TRIP4: variants seen among roughly 807,000 people sequenced by gnomAD.
TRIP4 encodes the protein thyroid hormone receptor interactor 4, also known as activating signal cointegrator 1.
TRIP4 carries 54 observed loss-of-function variants against 81.8 expected under a neutral mutation model. That is an observed-to-expected ratio of 0.66 (90% confidence interval 0.53 to 0.83). The LOEUF (loss-of-function observed/expected upper bound fraction) is 0.83. Ranked by LOEUF, TRIP4 falls within the 40% of genes least tolerant of loss-of-function variation. The pLI, the probability that TRIP4 is intolerant of heterozygous loss-of-function variation, is 0.00. For missense variants in TRIP4, 662 were observed against 683.6 expected (o/e 0.97, Z 0.35); for synonymous variants, 270 against 242.8 (o/e 1.11, Z -1.04).
At chr15:64,390,587 G>GT (rs1217418415) in intron 1 of TRIP4, among the ~76,000 whole-genome samples, 1 of 151,996 alleles carries the variant, frequency 6.6e-6, no homozygotes, top group Non-Finnish European at 1.5e-5. Context: ...GGATTACACA[G>GT]TATCAAGAAA....
chr15:64,400,490 C>G (rs1466432288), intron 4 of TRIP4, among the ~76,000 whole-genome samples: 3 of 93,520 alleles, frequency 3.2e-5, no homozygotes, highest in African/African-American at 1.1e-4. Flanking sequence ...TTTTTTTTTT[C>G]TAAACCATTA....
chr15:64,431,877 CTTTTTTTTTTTTT>C (rs1199638489), intron 11 of TRIP4, among the ~76,000 whole-genome samples: 1 of 52,508 alleles, frequency 1.9e-5, no homozygotes, highest in Non-Finnish European at 3.3e-5. Flanking sequence ...ATTGTGTTTT[CTTTTTTTTTTTTT>C]TTTTTTTTTT....
intron 11 of TRIP4, among the ~76,000 whole-genome samples, chr15:64,437,171 A>C (rs1892420558): frequency 6.6e-6 from 1 of 151,888 alleles, no homozygotes; most frequent in Non-Finnish European, 1.5e-5. Context: ...CTGTAATCCC[A>C]GCACTTTGGG....
intron 11 of TRIP4, among the ~76,000 whole-genome samples, chr15:64,430,843 G>A (rs1399269805): frequency 6.6e-6 from 1 of 152,170 alleles, no homozygotes; most frequent in East Asian, 1.9e-4. Context: ...TTATACTGCT[G>A]GGTGCCTGTT....
At chr15:64,425,730 C>A in intron 11 of TRIP4, 99 bp downstream of exon 11, 1 of 890,332 alleles carries the variant, frequency 1.1e-6, no homozygotes, top group Non-Finnish European at 1.7e-6. Flanking sequence ...CTTAAAAGTG[C>A]TGGGATTATA....
At chr15:64,419,664 TTTCTTAATTCAG>T (rs1049186224) in intron 9 of TRIP4, among the ~76,000 whole-genome samples, 4 of 152,062 alleles carry the variant, frequency 2.6e-5, no homozygotes, top group South Asian at 2.1e-4. Context: ...GGTGTGTTTG[TTTCTTAATTCAG>T]TTTTTAAAAA....
At chr15:64,395,575 A>G in intron 3 of TRIP4, 44 bp downstream of exon 3, 1 of 1,577,822 alleles carries the variant, frequency 6.3e-7, no homozygotes. Flanking sequence ...ATTGGAGAAG[A>G]GGAAGTGACT....
rs150525284 is a variant in TRIP4, at chr15:64,418,379, T to C, written c.1171-162T>C. On this transcript the variant is annotated intron_variant, in intron 8 of 12. Coordinates refer to ENST00000261884, the MANE Select transcript of TRIP4 (RefSeq NM_016213.5). ...CACCCGCCTTGGCCTCTCAAAGTGC[T>C]GGGATTACAGGCGTGAGCCACGATG... is the stretch of plus-strand genomic sequence containing the variant. Among the ~76,000 whole-genome samples, 1,628 of 152,368 alleles carry C rather than the reference T, an allele frequency of 0.011. 17 individuals carry two copies. Among genetic ancestry groups the C allele is most frequent in the Non-Finnish European group, 0.018 (1,206 of 68,034 alleles).
intron 11 of TRIP4, among the ~76,000 whole-genome samples, chr15:64,435,848 A>C (rs560398947): frequency 6.8e-6 from 1 of 147,578 alleles, no homozygotes; most frequent in Non-Finnish European, 1.5e-5. Flanking sequence ...AAAAAAGACA[A>C]GTCCTGCAGA....
chr15:64,434,394 C>T (rs1227521251), intron 11 of TRIP4, among the ~76,000 whole-genome samples: 2 of 114,406 alleles, frequency 1.7e-5, no homozygotes, highest in Non-Finnish European at 3.6e-5. Flanking sequence ...AGTGAAACTC[C>T]GTCTCAAGAA....
At chr15:64,433,494 C>T (rs1026110690) in intron 11 of TRIP4, among the ~76,000 whole-genome samples, 1 of 152,090 alleles carries the variant, frequency 6.6e-6, no homozygotes, top group African/African-American at 2.4e-5. Flanking sequence ...ATCCCAGCCA[C>T]TTGGGAGGCT....
At chr15:64,446,840 C>T (rs1260472671) in intron 12 of TRIP4, among the ~76,000 whole-genome samples, 1 of 151,768 alleles carries the variant, frequency 6.6e-6, no homozygotes, top group Non-Finnish European at 1.5e-5. Flanking sequence ...CGTGGTGGCT[C>T]ACGCCTGTAA....
intron 3 of TRIP4, 70 bp from the exon 4 acceptor site, chr15:64,397,536 G>T: frequency 6.7e-7 from 1 of 1,500,276 alleles, no homozygotes; most frequent in Non-Finnish European, 9.1e-7. Context: ...ACAGAACGGA[G>T]CATTTTCTCC....
intron 5 of TRIP4, among the ~76,000 whole-genome samples, chr15:64,401,584 C>A (rs111568488): frequency 2.6e-5 from 4 of 152,062 alleles, no homozygotes; most frequent in Non-Finnish European, 4.4e-5. Context: ...TTCACTCATT[C>A]TATAAGCATC....
At chr15:64,407,354 C>G (rs1891650796) in intron 6 of TRIP4, among the ~76,000 whole-genome samples, 1 of 152,160 alleles carries the variant, frequency 6.6e-6, no homozygotes, top group South Asian at 2.1e-4. Flanking sequence ...TCACCCTACT[C>G]AGTAGAACGT....
At chr15:64,450,784 A>T (rs554555928) in intron 12 of TRIP4, 1 of 455,868 alleles carries the variant, frequency 2.2e-6, no homozygotes, top group South Asian at 1.5e-5. Flanking sequence ...GAAGCCAGAG[A>T]TTAGTCTGCC....
intron 12 of TRIP4, among the ~76,000 whole-genome samples, chr15:64,449,288 T>G (rs1028831576): frequency 2.0e-5 from 3 of 151,104 alleles, no homozygotes; most frequent in South Asian, 2.1e-4. Context: ...TTGTTTGTTT[T>G]TGTTTTTTTT....
rs967754899 is a variant in TRIP4 at position 64,455,230 on chromosome 15, G to A, written c.*166G>A. On this transcript the variant is annotated 3_prime_UTR_variant, in exon 13 of 13. Coordinates refer to ENST00000261884, the MANE Select transcript of TRIP4 (RefSeq NM_016213.5). The stretch of plus-strand genomic sequence containing the variant: ...AATCTGTATATTTTTCTTAAGGAGT[G>A]GGATTCCTACTTTATGTAATGGGGT... The A allele has an allele frequency of 7.9e-6, 4 of 508,556 alleles. No individual in the cohort carries two copies. The highest frequency in any genetic ancestry group is 5.9e-5 in the African/African-American group (3 of 51,128). 31.5% of individuals were successfully genotyped at this position (508,556 alleles called of 1,614,324 possible).
intron 5 of TRIP4, among the ~76,000 whole-genome samples, chr15:64,404,106 C>G (rs1891571734): frequency 6.6e-6 from 1 of 152,016 alleles, no homozygotes; most frequent in East Asian, 1.9e-4. Context: ...CTGGGAATTG[C>G]TTGAACCCCG....
Sources: gnomAD v4.1 joint callset for allele counts (sites outside exome capture counted in the v4.1 genomes callset) on GRCh38, gnomAD v4.1.1 for gene constraint, MANE v1.5 for transcripts, NCBI Gene and HGNC (gene_info 2026-07-23, HGNC 2026-07-21) for gene names.